The following CD109 variants were observed in gnomAD, a reference collection of about 807,000 sequenced individuals.
The protein encoded by CD109 is CD109 antigen.
Under a neutral mutation model 165.8 loss-of-function variants are expected in CD109, and 149 were observed. The ratio of observed to expected loss-of-function variants is 0.90; its 90% CI spans 0.79 to 1.03. The LOEUF is 1.03. CD109 is among the 50% of genes least tolerant of loss of function. The pLI, the probability that CD109 is intolerant of heterozygous loss-of-function variation, is 0.00. For synonymous variants in CD109, 585 were observed against 592.1 expected, an observed-to-expected ratio of 0.99 and a Z score of 0.18; for missense variants, 1,712 against 1,677.8, an observed-to-expected ratio of 1.02 and a Z score of -0.36.
At chr6:73,768,810 A>G (rs1408944518) in intron 14 of CD109, among the ~76,000 whole-genome samples, 1 of 152,172 alleles carries the variant, frequency 6.6e-6, no homozygotes, top group Non-Finnish European at 1.5e-5. Context: ...CCAGCTCTGA[A>G]AAGAAACCTG....
intron 1 of CD109, among the ~76,000 whole-genome samples, chr6:73,697,160 C>T (rs183340701): frequency 9.1e-4 from 138 of 152,298 alleles, no homozygotes; most frequent in African/African-American, 3.2e-3. Flanking sequence ...GAAATAATAA[C>T]ACAGGCCTTC....
intron 5 of CD109, among the ~76,000 whole-genome samples, chr6:73,743,383 T>C (rs528877569): frequency 7.9e-5 from 12 of 152,372 alleles, no homozygotes; most frequent in Middle Eastern, 3.4e-3. Context: ...TGGAGCCCTG[T>C]ATAATGAAAC....
intron 3 of CD109, among the ~76,000 whole-genome samples, chr6:73,728,489 T>C (rs1247310949): frequency 6.6e-6 from 1 of 152,182 alleles, no homozygotes; most frequent in Non-Finnish European, 1.5e-5. Flanking sequence ...CCACTTAGGG[T>C]CTACCATTAA....
intron 2 of CD109, among the ~76,000 whole-genome samples, chr6:73,717,603 T>C (rs1242164700): frequency 6.7e-6 from 1 of 149,826 alleles, no homozygotes; most frequent in Non-Finnish European, 1.5e-5. Context: ...ATAGAAATTC[T>C]ACTGATTCTT....
intron 2 of CD109, among the ~76,000 whole-genome samples, chr6:73,718,819 CTAT>C (rs748882053): frequency 1.3e-5 from 2 of 152,130 alleles, no homozygotes. Flanking sequence ...GTGGTATGTA[CTAT>C]TATTATTATT....
At chr6:73,699,073 CT>C (rs923933579) in intron 2 of CD109, among the ~76,000 whole-genome samples, 20 of 152,316 alleles carry the variant, frequency 1.3e-4, no homozygotes, top group Admixed American at 2.6e-4. Flanking sequence ...CAGACTTCAA[CT>C]TTCGTTATTG....
chr6:73,802,305 A>ATTTT (rs71542232), intron 23 of CD109, among the ~76,000 whole-genome samples: 30 of 47,584 alleles, frequency 6.3e-4, no homozygotes, highest in African/African-American at 6.8e-4. Flanking sequence ...ATATATATAT[A>ATTTT]TTTTTTTTTT....
chr6:73,802,723 T>G (rs1315011220), intron 23 of CD109, among the ~76,000 whole-genome samples: 1 of 151,382 alleles, frequency 6.6e-6, no homozygotes, highest in African/African-American at 2.4e-5. Context: ...AGATGGAATT[T>G]TATTTGCTCT....
intron 2 of CD109, among the ~76,000 whole-genome samples, chr6:73,698,651 T>A (rs1259452963): frequency 6.6e-6 from 1 of 152,248 alleles, no homozygotes; most frequent in Non-Finnish European, 1.5e-5. Flanking sequence ...GCATCTGTGG[T>A]TCTTTCCCCA....
rs1404293288 is a variant in CD109 at position 73,827,463 on chromosome 6, T to C, written c.*3830T>C. 6.6e-6 allele frequency: 1 copy of C among 152,160 alleles called. No individual in the cohort carries two copies. The highest frequency in any genetic ancestry group is 6.6e-5 in the Admixed American group (1 of 15,264). 9.4% of individuals were successfully genotyped at this position (152,160 alleles called of 1,614,324 possible). ...AAGAAATTAGAATTTTTCTATCATC[T>C]ATGCAAATGATATTTATGTTAATAT... On this transcript the variant is annotated 3_prime_UTR_variant, in exon 33 of 33. Transcript: ENST00000287097.
rs557140117 is a variant in CD109 at position 73,705,206 on chromosome 6, G to GGA, written c.247+7641_247+7642dup. Reference sequence around the variant, plus strand: ...CAGATAGTTTTGAAATTGCAGCTGGGGAGAGAGATTTAGGCATTATTTTCA... The same window carrying GGA: ...CAGATAGTTTTGAAATTGCAGCTGGGGAGAGAGAGATTTAGGCATTATTTTCA... On this transcript the variant is annotated intron_variant, in intron 2 of 32. Transcript: ENST00000287097. Among the ~76,000 whole-genome samples the GGA allele has an allele frequency of 1.1e-3, 164 of 152,268 alleles. No homozygotes were observed. In the East Asian group the frequency reaches 0.023, roughly 21 times the overall value.
chr6:73,766,248 A>G (rs560796798), intron 11 of CD109, 94 bp downstream of exon 11: 21 of 931,634 alleles, frequency 2.3e-5, no homozygotes, highest in South Asian at 1.9e-4. Context: ...CTGAAAGTAC[A>G]TAGGAAGTGG....
chr6:73,812,629 T>C (rs1430355567), intron 29 of CD109, among the ~76,000 whole-genome samples: 1 of 152,098 alleles, frequency 6.6e-6, no homozygotes, highest in African/African-American at 2.4e-5. Context: ...AATTATTGAC[T>C]TGAGGGGAGG....
chr6:73,808,692 G>A (rs148080458), intron 26 of CD109, among the ~76,000 whole-genome samples: 138 of 152,214 alleles, frequency 9.1e-4, no homozygotes, highest in African/African-American at 3.1e-3. Context: ...CTGCTGCATA[G>A]CAAATGCTCA....
chr6:73,725,724 G>C (rs970184073), intron 3 of CD109, among the ~76,000 whole-genome samples: 1 of 151,904 alleles, frequency 6.6e-6, no homozygotes, highest in Admixed American at 6.6e-5. Context: ...TGTTGGTCTG[G>C]CTGGTCTTGA....
Position 73,807,914 on chromosome 6 carries a change from A to C in CD109, c.3190-169A>C, listed in dbSNP as rs112817337. Among the ~76,000 whole-genome samples the C allele has an allele frequency of 1.6e-3, 251 of 152,312 alleles. 1 individual carries two copies. The highest frequency in any genetic ancestry group is 2.7e-3 in the Non-Finnish European group (186 of 68,032). ...AGTATTATTTTCAAAATGCATGGCA[A>C]ATCTTTAAATGTCAATGATCATGGT... On this transcript the variant is annotated intron_variant, in intron 25 of 32. Coordinates refer to ENST00000287097, the MANE Select transcript of CD109 (RefSeq NM_133493.5).
At chr6:73,805,693 C>T (rs371281580) in intron 24 of CD109, among the ~76,000 whole-genome samples, 2 of 152,284 alleles carry the variant, frequency 1.3e-5, no homozygotes, top group East Asian at 3.9e-4. Flanking sequence ...TCCCTGCAGC[C>T]TTCCGCAGTG....
chr6:73,696,106 A>C, upstream of CD109: 1 of 1,060,358 alleles, frequency 9.4e-7, no homozygotes, highest in Non-Finnish European at 1.4e-6. Flanking sequence ...TCAGATTACT[A>C]AACTCGAATT....
intron 24 of CD109, among the ~76,000 whole-genome samples, chr6:73,806,376 G>A (rs1463975977): frequency 6.6e-6 from 1 of 151,832 alleles, no homozygotes; most frequent in Non-Finnish European, 1.5e-5. Flanking sequence ...GTGGGGGGAT[G>A]GGGGAGGGAT....
Sources: gnomAD v4.1 joint callset for allele counts (sites outside exome capture counted in the v4.1 genomes callset) on GRCh38, gnomAD v4.1.1 for gene constraint, MANE v1.5 for transcripts, NCBI Gene and HGNC (gene_info 2026-07-23, HGNC 2026-07-21) for gene names.